The following KCND2 variants were observed in gnomAD, a reference collection of about 807,000 sequenced individuals.
KCND2 encodes the protein potassium voltage-gated channel subfamily D member 2, also known as A-type voltage-gated potassium channel KCND2.
KCND2 carries 16 observed loss-of-function variants against 54.4 expected under a neutral mutation model. That is an observed-to-expected ratio of 0.29 (90% CI 0.20 to 0.45). KCND2 has a LOEUF of 0.45. Among genes scored for constraint, KCND2 ranks in the 20% least tolerant of loss-of-function variants. KCND2 has a pLI of 1.00. For synonymous variants in KCND2, 317 were observed against 310.7 expected, an observed-to-expected ratio of 1.02 and a Z score of -0.21; for missense variants, 486 against 824.2, an observed-to-expected ratio of 0.59 and a Z score of 5.02.
chr7:120,358,850 G>A (rs747695691), intron 1 of KCND2, among the ~76,000 whole-genome samples: 4 of 152,158 alleles, frequency 2.6e-5, no homozygotes, highest in Non-Finnish European at 5.9e-5. Flanking sequence ...TTTCATACAA[G>A]TAAGTTATGT....
intron 1 of KCND2, among the ~76,000 whole-genome samples, chr7:120,288,608 CAAT>C (rs1253123019): frequency 6.6e-6 from 1 of 152,032 alleles, no homozygotes; most frequent in Non-Finnish European, 1.5e-5. Context: ...ATGAAATATA[CAAT>C]AATCTTTTTC....
At chr7:120,436,125 T>C (rs1424147332) in intron 1 of KCND2, among the ~76,000 whole-genome samples, 1 of 152,122 alleles carries the variant, frequency 6.6e-6, no homozygotes. Context: ...GCATTTGAGG[T>C]TTATAAGCTA....
chr7:120,368,524 C>T (rs1800718916), intron 1 of KCND2, among the ~76,000 whole-genome samples: 1 of 152,074 alleles, frequency 6.6e-6, no homozygotes, highest in African/African-American at 2.4e-5. Context: ...TGACTTTTCT[C>T]TACCAATGGA....
chr7:120,313,269 A>G (rs1435586958), intron 1 of KCND2, among the ~76,000 whole-genome samples: 1 of 152,164 alleles, frequency 6.6e-6, no homozygotes, highest in East Asian at 1.9e-4. Context: ...TTTATCTTAA[A>G]CAAATTGATT....
chr7:120,601,991 A>G (rs1197745188), intron 1 of KCND2, among the ~76,000 whole-genome samples: 1 of 152,226 alleles, frequency 6.6e-6, no homozygotes, highest in Non-Finnish European at 1.5e-5. Flanking sequence ...CTGTCTAGTG[A>G]AGATAAAAGC....
intron 1 of KCND2, among the ~76,000 whole-genome samples, chr7:120,500,080 G>T (rs1039463712): frequency 6.6e-6 from 1 of 152,114 alleles, no homozygotes; most frequent in South Asian, 2.1e-4. Context: ...GGCTTTCTTA[G>T]TCCCAAATGT....
chr7:120,321,606 T>C (rs1447277041), intron 1 of KCND2, among the ~76,000 whole-genome samples: 2 of 152,160 alleles, frequency 1.3e-5, no homozygotes, highest in African/African-American at 4.8e-5. Context: ...TTTTAAAATA[T>C]CTCATATTAG....
intron 1 of KCND2, among the ~76,000 whole-genome samples, chr7:120,360,154 C>A (rs1800572478): frequency 6.6e-6 from 1 of 152,032 alleles, no homozygotes; most frequent in Non-Finnish European, 1.5e-5. Flanking sequence ...AAGAATAATG[C>A]TGATTATTAC....
At chr7:120,283,874 A>G (rs1224475898) in intron 1 of KCND2, among the ~76,000 whole-genome samples, 1 of 152,144 alleles carries the variant, frequency 6.6e-6, no homozygotes, top group Non-Finnish European at 1.5e-5. Context: ...TGGCTTACAT[A>G]CCTTAAAATC....
At chr7:120,339,096 G>T (rs538770210) in intron 1 of KCND2, among the ~76,000 whole-genome samples, 5 of 148,906 alleles carry the variant, frequency 3.4e-5, no homozygotes, top group African/African-American at 1.2e-4. Context: ...GGGCTTCACC[G>T]TGTTAGCTAG....
chr7:120,735,743 C>A (rs761848068), intron 2 of KCND2, among the ~76,000 whole-genome samples: 9 of 151,964 alleles, frequency 5.9e-5, no homozygotes, highest in Non-Finnish European at 1.2e-4. Context: ...TGCCATAATG[C>A]AATGAATTTT....
At chr7:120,703,972 C>G (rs1192395497) in intron 1 of KCND2, among the ~76,000 whole-genome samples, 1 of 152,188 alleles carries the variant, frequency 6.6e-6, no homozygotes, top group Admixed American at 6.5e-5. Flanking sequence ...CTGATGGTTT[C>G]CCTGGCATCT....
intron 1 of KCND2, among the ~76,000 whole-genome samples, chr7:120,674,793 G>A (rs1249741871): frequency 1.3e-5 from 2 of 152,140 alleles, no homozygotes; most frequent in Non-Finnish European, 2.9e-5. Flanking sequence ...ACTTTGTATT[G>A]CTTTATATTA....
At chr7:120,486,943 A>G (rs1802703647) in intron 1 of KCND2, among the ~76,000 whole-genome samples, 1 of 152,178 alleles carries the variant, frequency 6.6e-6, no homozygotes, top group Non-Finnish European at 1.5e-5. Flanking sequence ...CAAAGGAAAC[A>G]TGCTGCCACG....
At chr7:120,657,767 G>C (rs1791820457) in intron 1 of KCND2, among the ~76,000 whole-genome samples, 1 of 152,060 alleles carries the variant, frequency 6.6e-6, no homozygotes, top group Admixed American at 6.6e-5. Context: ...AGATTCGCTT[G>C]AGCCCAGGAG....
chr7:120,707,386 A>G (rs1236607463), intron 1 of KCND2, among the ~76,000 whole-genome samples: 2 of 152,128 alleles, frequency 1.3e-5, no homozygotes, highest in Admixed American at 6.6e-5. Context: ...ATAACTATTC[A>G]TGGAAATGAC....
intron 1 of KCND2, among the ~76,000 whole-genome samples, chr7:120,649,616 T>C (rs957780581): frequency 2.6e-5 from 4 of 152,188 alleles, no homozygotes; most frequent in South Asian, 4.1e-4. Context: ...GGTTGTTTGT[T>C]TTTTTCTTGT....
At chr7:120,556,104 C>T (rs539237506) in intron 1 of KCND2, among the ~76,000 whole-genome samples, 1 of 152,106 alleles carries the variant, frequency 6.6e-6, no homozygotes, top group South Asian at 2.1e-4. Flanking sequence ...ACAAATGTTT[C>T]TATGCCATCA....
intron 1 of KCND2, among the ~76,000 whole-genome samples, chr7:120,290,293 A>G (rs543785059): frequency 3.4e-4 from 52 of 152,184 alleles, no homozygotes; most frequent in African/African-American, 1.2e-3. Flanking sequence ...CTACATACAG[A>G]AATAAAGTTC....
Sources: allele counts gnomAD v4.1 joint callset (sites outside exome capture counted in the v4.1 genomes callset), GRCh38; gene constraint gnomAD v4.1.1; transcripts MANE v1.5; gene names NCBI Gene and HGNC (gene_info 2026-07-23, HGNC 2026-07-21).